The following METAP2 variants were observed in gnomAD, a reference collection of about 807,000 sequenced individuals.
METAP2 encodes the protein methionyl aminopeptidase 2.
A neutral mutation model predicts 59.4 loss-of-function variants in METAP2; 25 were observed. That is an observed-to-expected ratio of 0.42 (90% CI 0.31 to 0.59). METAP2 has a LOEUF of 0.59. Ranked by LOEUF, METAP2 falls within the 20% of genes least tolerant of loss-of-function variation. The pLI is 0.16. For synonymous variants in METAP2, 214 were observed against 194.1 expected (o/e 1.10, Z -0.85); for missense variants, 366 against 581.2 (o/e 0.63, Z 3.81).
At chr12:95,485,841 T>G in intron 3 of METAP2, 38 bp from the exon 4 acceptor site, 1 of 1,333,976 alleles carries the variant, frequency 7.5e-7, no homozygotes, top group Non-Finnish European at 1.0e-6. Context: ...AATTTTATTT[T>G]TAACTACAGA....
intron 4 of METAP2, 149 bp downstream of exon 4, chr12:95,486,130 T>C: frequency 1.7e-6 from 1 of 574,410 alleles, no homozygotes; most frequent in South Asian, 2.3e-5. Flanking sequence ...AGCCCTCTTA[T>C]CCAAAATGAT....
At chr12:95,484,708 A>G (rs1238368222) in intron 3 of METAP2, 2 of 357,676 alleles carry the variant, frequency 5.6e-6, no homozygotes, top group Admixed American at 4.3e-5. Flanking sequence ...TTTATGAGGT[A>G]CTCTTTTTTT....
At chr12:95,506,597 C>T (rs1160636735) in intron 8 of METAP2, among the ~76,000 whole-genome samples, 5 of 151,966 alleles carry the variant, frequency 3.3e-5, no homozygotes, top group Non-Finnish European at 7.4e-5. Context: ...CCGTGCCCAG[C>T]CTATATATGT....
At chr12:95,510,786 G>A (rs942330940) in intron 8 of METAP2, among the ~76,000 whole-genome samples, 5 of 152,154 alleles carry the variant, frequency 3.3e-5, no homozygotes, top group African/African-American at 4.8e-5. Flanking sequence ...TATCAGCACT[G>A]CAAGTATGAA....
intron 4 of METAP2, among the ~76,000 whole-genome samples, chr12:95,491,245 T>C (rs908458437): frequency 1.3e-5 from 2 of 152,212 alleles, no homozygotes; most frequent in Non-Finnish European, 2.9e-5. Context: ...TCTTAACAAC[T>C]TTTCACTTAA....
At chr12:95,498,150 G>C (rs2076289273) in intron 7 of METAP2, among the ~76,000 whole-genome samples, 1 of 148,066 alleles carries the variant, frequency 6.8e-6, no homozygotes, top group Non-Finnish European at 1.5e-5. Flanking sequence ...AAAAAAAACA[G>C]TAGAGATTGG....
chr12:95,479,672 G>A (rs529457787), intron 2 of METAP2, among the ~76,000 whole-genome samples: 140 of 150,562 alleles, frequency 9.3e-4, no homozygotes, highest in African/African-American at 3.4e-3. Context: ...GCAGTGGCAC[G>A]ATCTCAGCTC....
intron 8 of METAP2, 107 bp from the exon 9 acceptor site, chr12:95,511,788 A>G: frequency 1.5e-6 from 1 of 676,010 alleles, no homozygotes; most frequent in Non-Finnish European, 2.5e-6. Flanking sequence ...TAGTAAAGCC[A>G]TACCTGGTTT....
intron 6 of METAP2, 153 bp downstream of exon 6, chr12:95,495,291 AT>A: frequency 3.4e-6 from 2 of 584,318 alleles, no homozygotes; most frequent in East Asian, 2.8e-5. Context: ...TTTTAAAAAA[AT>A]TTTAGTGCAC....
At chr12:95,499,980 C>T (rs945899103) in intron 7 of METAP2, among the ~76,000 whole-genome samples, 2 of 152,204 alleles carry the variant, frequency 1.3e-5, no homozygotes, top group Non-Finnish European at 2.9e-5. Context: ...TATCACCTCC[C>T]TCTCTCAGCA....
In METAP2 at chr12:95,514,061, C is replaced by T. The variant is rs139764359; in HGVS notation, c.*157C>T. ...AGAAGGAATTTGGACAAAGGCAAACCGTCTAATGTAATTAACCAACGAAAA... is the reference window on the plus strand; with the variant it reads ...AGAAGGAATTTGGACAAAGGCAAACTGTCTAATGTAATTAACCAACGAAAA... On this transcript the variant is annotated 3_prime_UTR_variant, in exon 11 of 11. Transcript: ENST00000323666. The T allele has an allele frequency of 5.9e-3, 5,117 of 863,562 alleles. 31 individuals carry two copies. The highest frequency in any genetic ancestry group is 6.6e-3 in the Non-Finnish European group (4,002 of 603,726). 53.5% of individuals were successfully genotyped at this position (863,562 alleles called of 1,614,324 possible).
Position 95,474,242 on chromosome 12 carries a change from C to T in METAP2, c.63C>T (p.Asp21=), listed in dbSNP as rs762501674. Residue 21 remains aspartate (D), a synonymous_variant, in exon 1 of 11, where the codon GAC becomes GAT. Coordinates refer to ENST00000323666, the MANE Select transcript of METAP2 (RefSeq NM_006838.4). ...ACCTGAATGGCGACCTGGATCCAGACGACAGGGAAGAAGGAGCTGCCTCTA... is the reference window on the plus strand; with the variant it reads ...ACCTGAATGGCGACCTGGATCCAGATGACAGGGAAGAAGGAGCTGCCTCTA... ...GSHLNGDLDP[D]DREEGAASTA... is the part of the protein sequence containing the mutation. The T allele has an allele frequency of 1.2e-6, 2 of 1,614,072 alleles. No individual in the cohort carries two copies. The highest frequency in any genetic ancestry group is 1.7e-6 in the Non-Finnish European group (2 of 1,179,990).
At chr12:95,513,089 TTA>T (rs760430966) in intron 10 of METAP2, among the ~76,000 whole-genome samples, 173 bp downstream of exon 10, 1 of 66,094 alleles carries the variant, frequency 1.5e-5, no homozygotes, top group Non-Finnish European at 3.0e-5. Context: ...GAGATAAAAA[TTA>T]CACACACACA....
chr12:95,502,552 G>T (rs1565783445), intron 7 of METAP2, among the ~76,000 whole-genome samples: 1 of 151,356 alleles, frequency 6.6e-6, no homozygotes, highest in South Asian at 2.1e-4. Context: ...GTGTGTGTGT[G>T]TGGGGGGGTT....
At chr12:95,492,551 T>C (rs1388796637) in intron 4 of METAP2, among the ~76,000 whole-genome samples, 1 of 151,652 alleles carries the variant, frequency 6.6e-6, no homozygotes, top group Non-Finnish European at 1.5e-5. Context: ...TTATTATTTA[T>C]TTTTATTTTT....
rs780306578 is a variant in METAP2 at position 95,494,057 on chromosome 12, C to T, written c.430C>T (p.Arg144Ter). 3.1e-6 allele frequency: 5 copies of T among 1,613,258 alleles called. No homozygotes were observed. The highest frequency in any genetic ancestry group is 4.2e-6 in the Non-Finnish European group (5 of 1,179,558). The change falls in exon 5 of 11, where the codon CGA becomes TGA. Residue 144 changes from arginine to a stop codon, truncating the protein, a stop_gained and splice_region_variant. Transcript: ENST00000323666. LOFTEE classifies it high-confidence loss of function. ...ECEYPPTQDG[R>*]TAAWRTTSEE... ...TAGTATTCTATGCCCACTCTAAAGG[C>T]GAACAGCTGCTTGGAGAACTACAAG...
chr12:95,485,023 C>G, intron 3 of METAP2: 1 of 376,884 alleles, frequency 2.7e-6, no homozygotes, highest in Non-Finnish European at 5.1e-6. Context: ...CCTCATTTTC[C>G]TCATCTATAC....
intron 1 of METAP2, among the ~76,000 whole-genome samples, chr12:95,475,492 C>G (rs1425479553): frequency 6.6e-6 from 1 of 152,194 alleles, no homozygotes; most frequent in Non-Finnish European, 1.5e-5. Flanking sequence ...CAGAATGTCA[C>G]TTCATTTCGT....
intron 4 of METAP2, among the ~76,000 whole-genome samples, chr12:95,492,152 G>GTGTGTGTGTA (rs778238237): frequency 6.6e-6 from 1 of 151,664 alleles, no homozygotes. Context: ...GTGTGTGTGT[G>GTGTGTGTGTA]TGTATGTATA....
Sources: gnomAD v4.1 joint callset for allele counts (sites outside exome capture counted in the v4.1 genomes callset) on GRCh38, gnomAD v4.1.1 for gene constraint, MANE v1.5 for transcripts, NCBI Gene and HGNC (gene_info 2026-07-23, HGNC 2026-07-21) for gene names.